Variants in RAD51B observed in about 807,000 individuals in gnomAD.
The protein encoded by RAD51B is DNA repair protein RAD51 homolog 2.
RAD51B carries 38 observed loss-of-function variants against 42.2 expected under a neutral mutation model. That is an observed-to-expected ratio of 0.90 (90% confidence interval 0.70 to 1.18). RAD51B has a LOEUF of 1.18. RAD51B is among the 50% of genes most tolerant of loss of function. RAD51B has a pLI of 0.00. For missense variants in RAD51B, 373 were observed against 400.7 expected, an observed-to-expected ratio of 0.93 and a Z score of 0.59; for synonymous variants, 154 against 145.2, an observed-to-expected ratio of 1.06 and a Z score of -0.43.
chr14:68,201,628 C>A (rs1490414420), intron 7 of RAD51B, among the ~76,000 whole-genome samples: 2 of 152,088 alleles, frequency 1.3e-5, no homozygotes, highest in African/African-American at 2.4e-5. Flanking sequence ...ACCTGTCAAG[C>A]GAAGATGCAG....
intron 7 of RAD51B, among the ~76,000 whole-genome samples, chr14:67,909,578 A>T (rs1261118633): frequency 1.3e-5 from 2 of 152,252 alleles, no homozygotes; most frequent in Admixed American, 1.3e-4. Context: ...GAGGAGTTTG[A>T]TTAAATAAAT....
chr14:68,182,242 A>T (rs2079072768), intron 7 of RAD51B, among the ~76,000 whole-genome samples: 1 of 152,228 alleles, frequency 6.6e-6, no homozygotes, highest in Admixed American at 6.5e-5. Flanking sequence ...CAGTGTACTG[A>T]GTAACTCTGT....
intron 7 of RAD51B, among the ~76,000 whole-genome samples, chr14:68,239,638 A>G (rs544344850): frequency 2.6e-5 from 4 of 151,740 alleles, no homozygotes; most frequent in African/African-American, 9.7e-5. Flanking sequence ...CACCTATCTC[A>G]TCAGCCCAGC....
chr14:68,180,714 G>T (rs528964465), intron 7 of RAD51B, among the ~76,000 whole-genome samples: 2 of 152,316 alleles, frequency 1.3e-5, no homozygotes, highest in East Asian at 3.9e-4. Flanking sequence ...TGGGAATGGA[G>T]AAAGACGGCG....
At chr14:68,545,596 C>T in intron 10 of RAD51B, 1 of 456,076 alleles carries the variant, frequency 2.2e-6, no homozygotes, top group Non-Finnish European at 4.4e-6. Flanking sequence ...AGGAAGGGGC[C>T]ATTGTAAAGA....
At chr14:68,153,997 G>A (rs968775008) in intron 7 of RAD51B, among the ~76,000 whole-genome samples, 7 of 152,096 alleles carry the variant, frequency 4.6e-5, no homozygotes, top group Non-Finnish European at 8.8e-5. Context: ...TATTTTAATC[G>A]TCTTCTTATT....
chr14:68,569,466 A>AAGTTAC (rs1566940718), intron 10 of RAD51B, among the ~76,000 whole-genome samples: 1 of 152,206 alleles, frequency 6.6e-6, no homozygotes, highest in Non-Finnish European at 1.5e-5. Flanking sequence ...CAAATTTCAC[A>AAGTTAC]AGTTACAGGG....
intron 7 of RAD51B, among the ~76,000 whole-genome samples, chr14:68,235,938 A>T (rs1377365679): frequency 6.6e-6 from 1 of 152,136 alleles, no homozygotes; most frequent in Non-Finnish European, 1.5e-5. Flanking sequence ...CCATTATCCT[A>T]AGTGAACTAA....
At chr14:68,300,707 T>C (rs1382371290) in intron 8 of RAD51B, among the ~76,000 whole-genome samples, 1 of 152,264 alleles carries the variant, frequency 6.6e-6, no homozygotes, top group African/African-American at 2.4e-5. Flanking sequence ...ACGTCTCTTC[T>C]GTTTATCCAG....
intron 7 of RAD51B, 51 bp downstream of exon 7, chr14:67,887,255 T>C: frequency 7.1e-7 from 1 of 1,415,226 alleles, no homozygotes; most frequent in Non-Finnish European, 9.8e-7. Flanking sequence ...TTGTTTCTTT[T>C]ATATTACATT....
At chr14:68,501,841 A>T (rs1884943347) in intron 10 of RAD51B, among the ~76,000 whole-genome samples, 1 of 152,270 alleles carries the variant, frequency 6.6e-6, no homozygotes, top group African/African-American at 2.4e-5. Context: ...GGGCTGTGAC[A>T]TCGGCCACCA....
chr14:68,171,012 G>A (rs1958114), intron 7 of RAD51B, among the ~76,000 whole-genome samples: 82,989 of 152,100 alleles, frequency 0.55, 25,121 homozygotes, highest in East Asian at 0.74. Flanking sequence ...TGAAAGGGAA[G>A]GCCCTGCTGG....
In RAD51B at chr14:68,667,163, G is replaced by A. The variant is rs1036438586; in HGVS notation, c.*11+16307G>A. 5.3e-5 allele frequency among the ~76,000 whole-genome samples: 8 copies of A among 152,232 alleles called. 1 individual carries two copies. The highest frequency in any genetic ancestry group is 1.0e-4 in the Non-Finnish European group (7 of 68,040). ...TAAGGGAATTGACGTATGTGACGGC[G>A]GTGGAGGGAGGTGGCAAATCTGAAA... On this transcript the variant is annotated intron_variant, in intron 11 of 11. Coordinates refer to the RAD51B transcript ENST00000488612.
rs189049230 is a variant in RAD51B, at chr14:68,022,068, C to A, written c.756+134864C>A. On this transcript the variant is annotated intron_variant, in intron 7 of 10. Transcript: ENST00000471583. Reference sequence around the variant, plus strand: ...TAGTACCCAATAGGTAGTTTTTCAACCTATACTCCTCTCCATTCCTCCCAC... The same window carrying A: ...TAGTACCCAATAGGTAGTTTTTCAAACTATACTCCTCTCCATTCCTCCCAC... Among the ~76,000 whole-genome samples the A allele has an allele frequency of 5.0e-3, 765 of 152,268 alleles. 2 individuals carry two copies. The highest frequency in any genetic ancestry group is 8.7e-3 in the Non-Finnish European group (591 of 68,016).
At chr14:68,429,695 G>T (rs2084950561) in intron 9 of RAD51B, among the ~76,000 whole-genome samples, 1 of 152,102 alleles carries the variant, frequency 6.6e-6, no homozygotes, top group East Asian at 1.9e-4. Context: ...CCATTCTGTA[G>T]GTTGCCTGTT....
chr14:67,974,919 A>T (rs2074963613), intron 7 of RAD51B, among the ~76,000 whole-genome samples: 1 of 152,158 alleles, frequency 6.6e-6, no homozygotes, highest in Admixed American at 6.5e-5. Context: ...TGTGATACTG[A>T]CTACTAATCT....
chr14:67,839,010 T>A (rs2041339857), intron 4 of RAD51B, among the ~76,000 whole-genome samples: 1 of 152,166 alleles, frequency 6.6e-6, no homozygotes, highest in African/African-American at 2.4e-5. Flanking sequence ...TTTTCTGATG[T>A]TAAACTACTA....
chr14:68,183,091 G>A (rs2079085584), intron 7 of RAD51B, among the ~76,000 whole-genome samples: 1 of 152,148 alleles, frequency 6.6e-6, no homozygotes, highest in Admixed American at 6.5e-5. Flanking sequence ...GAACTAACAG[G>A]ATAGATGAAT....
chr14:68,375,688 T>C (rs2083354414), intron 8 of RAD51B, among the ~76,000 whole-genome samples: 1 of 152,104 alleles, frequency 6.6e-6, no homozygotes, highest in Non-Finnish European at 1.5e-5. Flanking sequence ...AGTCTTTGCT[T>C]GATACATAGT....
Sources: allele counts gnomAD v4.1 joint callset (sites outside exome capture counted in the v4.1 genomes callset), GRCh38; gene constraint gnomAD v4.1.1; transcripts MANE v1.5; gene names NCBI Gene and HGNC (gene_info 2026-07-23, HGNC 2026-07-21).